The following PAK1 variants were observed in gnomAD, a reference collection of about 807,000 sequenced individuals.
PAK1 encodes p21 (RAC1) activated kinase 1.
A neutral mutation model predicts 67.4 loss-of-function variants in PAK1; 29 were observed. The ratio of observed to expected loss-of-function variants is 0.43; its 90% CI spans 0.32 to 0.59. PAK1 has a LOEUF of 0.59. Among genes scored for constraint, PAK1 ranks in the 20% least tolerant of loss-of-function variants. The pLI, the probability that PAK1 is intolerant of heterozygous loss-of-function variation, is 0.07. For missense variants in PAK1, 337 were observed against 670.7 expected (o/e 0.50, Z 5.50); for synonymous variants, 223 against 237.4 (o/e 0.94, Z 0.56).
chr11:77,465,243 C>G (rs993766500), intron 1 of PAK1, among the ~76,000 whole-genome samples: 1 of 152,086 alleles, frequency 6.6e-6, no homozygotes, highest in African/African-American at 2.4e-5. Context: ...CCCAAATGAT[C>G]AGGAACAGGT....
intron 1 of PAK1, among the ~76,000 whole-genome samples, chr11:77,461,816 G>C (rs1386108131): frequency 6.6e-6 from 1 of 152,078 alleles, no homozygotes; most frequent in Non-Finnish European, 1.5e-5. Flanking sequence ...AGAATAGTGT[G>C]GCACTTTAAA....
chr11:77,494,686 C>G, the PAK1 span, among the ~76,000 whole-genome samples: 1 of 150,868 alleles, frequency 6.6e-6, no homozygotes, highest in Non-Finnish European at 1.5e-5. Flanking sequence ...GAAAATGATA[C>G]AGACACCATG....
chr11:77,372,928 C>T (rs1390640627), intron 5 of PAK1, among the ~76,000 whole-genome samples: 1 of 152,120 alleles, frequency 6.6e-6, no homozygotes, highest in East Asian at 1.9e-4. Flanking sequence ...TACCAAATGC[C>T]AAGACTTGCC....
chr11:77,505,573 C>T, the PAK1 span, among the ~76,000 whole-genome samples: 1 of 152,172 alleles, frequency 6.6e-6, no homozygotes, highest in Non-Finnish European at 1.5e-5. Context: ...CATTCCTCTC[C>T]CCATCCCTTG....
At chr11:77,508,659 C>CTT in the PAK1 span, among the ~76,000 whole-genome samples, 299 of 114,736 alleles carry the variant, frequency 2.6e-3, 4 homozygotes, top group Non-Finnish European at 2.9e-3. Flanking sequence ...CATAGAGATT[C>CTT]TTTTTTTTTT....
rs1957991446 is a variant in PAK1 at position 77,473,784 on chromosome 11, G to A, written c.-254C>T. 1 of 151,904 alleles carries A rather than the reference G, an allele frequency of 6.6e-6. No individual in the cohort carries two copies. The highest frequency in any genetic ancestry group is 1.5e-5 in the Non-Finnish European group (1 of 67,982). 9.4% of individuals were successfully genotyped at this position (151,904 alleles called of 1,614,324 possible). ...CGACGCGGGCGGGGGGGGAAGGGGG[G>A]ACTGAGGGGCGAGGTGCGAAGGGCT... On this transcript the variant is annotated 5_prime_UTR_variant, in exon 1 of 15. Transcript: ENST00000356341.
At chr11:77,462,247 C>T (rs967666954) in intron 1 of PAK1, among the ~76,000 whole-genome samples, 2 of 151,694 alleles carry the variant, frequency 1.3e-5, no homozygotes, top group East Asian at 1.9e-4. Context: ...AGGAGAATGG[C>T]GTGAACCCGG....
At chr11:77,394,003 T>C (rs1951506038) in intron 1 of PAK1, among the ~76,000 whole-genome samples, 1 of 152,092 alleles carries the variant, frequency 6.6e-6, no homozygotes, top group African/African-American at 2.4e-5. Flanking sequence ...ACTCTGTCTC[T>C]AAATAAATAA....
chr11:77,386,661 T>C (rs576443821), intron 2 of PAK1, among the ~76,000 whole-genome samples: 28 of 152,320 alleles, frequency 1.8e-4, no homozygotes, highest in African/African-American at 6.7e-4. Flanking sequence ...TACTACAGCC[T>C]ACAGATCATT....
At chr11:77,517,348 T>A in the PAK1 span, among the ~76,000 whole-genome samples, 1 of 152,228 alleles carries the variant, frequency 6.6e-6, no homozygotes, top group Admixed American at 6.5e-5. Flanking sequence ...AATGATGTAA[T>A]CTGATTAGCT....
At chr11:77,464,227 C>T (rs1455059945) in intron 1 of PAK1, among the ~76,000 whole-genome samples, 1 of 152,206 alleles carries the variant, frequency 6.6e-6, no homozygotes, top group African/African-American at 2.4e-5. Flanking sequence ...GGCCTTTGTG[C>T]ATTTAAAATG....
At chr11:77,340,910 A>G in intron 10 of PAK1, 147 bp from the exon 11 acceptor site, 1 of 643,906 alleles carries the variant, frequency 1.6e-6, no homozygotes, top group Admixed American at 2.4e-5. Flanking sequence ...GGGGAAAAGC[A>G]GAATCTGGGG....
chr11:77,496,689 G>A, the PAK1 span, among the ~76,000 whole-genome samples: 2 of 152,104 alleles, frequency 1.3e-5, no homozygotes, highest in African/African-American at 4.8e-5. Context: ...TCCCAGCACT[G>A]TGGGAGGTCA....
At chr11:77,487,159 G>A in the PAK1 span, among the ~76,000 whole-genome samples, 5 of 151,908 alleles carry the variant, frequency 3.3e-5, no homozygotes, top group Non-Finnish European at 5.9e-5. Flanking sequence ...GACCCCATTC[G>A]AGGCCCTAGC....
At chr11:77,378,492 ATAT>A (rs1352608323) in intron 4 of PAK1, among the ~76,000 whole-genome samples, 2 of 152,236 alleles carry the variant, frequency 1.3e-5, no homozygotes, top group Non-Finnish European at 2.9e-5. Flanking sequence ...ACTAATAATA[ATAT>A]TAACAATAAT....
chr11:77,325,854 G>A (rs1246994001), intron 14 of PAK1, among the ~76,000 whole-genome samples: 1 of 152,164 alleles, frequency 6.6e-6, no homozygotes, highest in African/African-American at 2.4e-5. Flanking sequence ...TCCAATGTGG[G>A]TTCTTCCAGT....
At chr11:77,497,656 C>G in the PAK1 span, among the ~76,000 whole-genome samples, 9 of 152,298 alleles carry the variant, frequency 5.9e-5, no homozygotes, top group African/African-American at 2.2e-4. Context: ...GCCAAGAATT[C>G]CATCCAACTC....
the PAK1 span, among the ~76,000 whole-genome samples, chr11:77,529,514 T>A: frequency 6.6e-6 from 1 of 152,240 alleles, no homozygotes; most frequent in African/African-American, 2.4e-5. Context: ...CTATGTCTAT[T>A]CTTATTTTTT....
chr11:77,496,710 A>C, the PAK1 span, among the ~76,000 whole-genome samples: 1 of 152,222 alleles, frequency 6.6e-6, no homozygotes, highest in Non-Finnish European at 1.5e-5. Flanking sequence ...AGCCAGGCAG[A>C]TCACTTGAGG....
Sources: allele counts gnomAD v4.1 joint callset (sites outside exome capture counted in the v4.1 genomes callset), GRCh38; gene constraint gnomAD v4.1.1; transcripts MANE v1.5; gene names NCBI Gene and HGNC (gene_info 2026-07-23, HGNC 2026-07-21).